TCF4: variants seen among roughly 807,000 people sequenced by gnomAD.
The protein encoded by TCF4 is transcription factor 4, also known as SL3-3 enhancer factor 2.
A neutral mutation model predicts 82.1 loss-of-function variants in TCF4; 3 were observed. That is an observed-to-expected ratio of 0.04 (90% CI 0.02 to 0.09). The LOEUF (loss-of-function observed/expected upper bound fraction) is 0.09. Among genes scored for constraint, TCF4 ranks in the 10% least tolerant of loss-of-function variants. The probability of loss-of-function intolerance (pLI) is 1.00; values close to 1 mark genes in which losing one functional copy is unlikely to be tolerated. For synonymous variants in TCF4, 276 were observed against 309.6 expected, an observed-to-expected ratio of 0.89 and a Z score of 1.14; for missense variants, 518 against 852.7, an observed-to-expected ratio of 0.61 and a Z score of 4.89.
At chr18:55,481,637 C>T (rs1408288265) in intron 3 of TCF4, among the ~76,000 whole-genome samples, 1 of 152,184 alleles carries the variant, frequency 6.6e-6, no homozygotes. Flanking sequence ...TAAATTCAGG[C>T]AGTACTCCTC....
chr18:55,538,024 GCGCA>G (rs1555736240), intron 3 of TCF4, among the ~76,000 whole-genome samples: 1,516 of 125,596 alleles, frequency 0.012, 16 homozygotes, highest in East Asian at 0.018. Context: ...GTCTGCGCGC[GCGCA>G]CACACACACA....
intron 2 of TCF4, among the ~76,000 whole-genome samples, chr18:55,622,669 CAA>C (rs1430341901): frequency 3.3e-5 from 5 of 152,046 alleles, no homozygotes; most frequent in Admixed American, 2.0e-4. Flanking sequence ...GTGATCCGCC[CAA>C]AGTCATAAAG....
chr18:55,273,808 T>C (rs1048139681), intron 10 of TCF4, among the ~76,000 whole-genome samples: 1 of 152,208 alleles, frequency 6.6e-6, no homozygotes, highest in African/African-American at 2.4e-5. Flanking sequence ...AATATTGTTT[T>C]GGTTCTGTAA....
intron 3 of TCF4, among the ~76,000 whole-genome samples, chr18:55,472,989 A>AT (rs2096218459): frequency 6.6e-6 from 1 of 152,228 alleles, no homozygotes; most frequent in African/African-American, 2.4e-5. Context: ...AACTGAATAT[A>AT]TACCTCTGAT....
chr18:55,448,156 T>C (rs960628462), intron 5 of TCF4, among the ~76,000 whole-genome samples: 1 of 152,214 alleles, frequency 6.6e-6, no homozygotes, highest in African/African-American at 2.4e-5. Flanking sequence ...ACTGCTAAAA[T>C]GTCACCTAAT....
chr18:55,495,957 C>A (rs927258958), intron 3 of TCF4: 8 of 152,052 alleles, frequency 5.3e-5, no homozygotes, highest in Non-Finnish European at 8.8e-5. Context: ...GAATCATTTC[C>A]AAGAGTCGTC....
intron 5 of TCF4, among the ~76,000 whole-genome samples, chr18:55,447,753 C>T (rs1394634312): frequency 6.6e-6 from 1 of 152,138 alleles, no homozygotes; most frequent in East Asian, 1.9e-4. Context: ...TTTGCTTTCA[C>T]AAATATATCA....
intron 15 of TCF4, among the ~76,000 whole-genome samples, chr18:55,249,820 T>TA (rs1240800891): frequency 2.0e-5 from 3 of 152,208 alleles, no homozygotes; most frequent in Admixed American, 6.5e-5. Flanking sequence ...CGGGAACACA[T>TA]AGAGTCACAT....
At chr18:55,476,648 TG>T (rs2096295447) in intron 3 of TCF4, among the ~76,000 whole-genome samples, 1 of 151,926 alleles carries the variant, frequency 6.6e-6, no homozygotes, top group African/African-American at 2.4e-5. Flanking sequence ...GTGAATTTTT[TG>T]TAGAGACAGG....
At position 55,480,399 on chromosome 18, in the gene TCF4, G is replaced by A. The variant is rs114268459; in HGVS notation, c.146-16262C>T. Among the ~76,000 whole-genome samples, 996 of 151,504 alleles carry A rather than the reference G, an allele frequency of 6.6e-3. 14 individuals carry two copies. The highest frequency in any genetic ancestry group is 0.023 in the African/African-American group (959 of 41,298). ...ATACAAAATGTACATAAAATAGGAC[G>A]CTTTCTCTCTGAAATATATAATCTA... is the stretch of plus-strand genomic sequence containing the variant. On this transcript the variant is annotated intron_variant, in intron 3 of 19. Transcript: ENST00000354452.
At chr18:55,546,959 A>C (rs1010766179) in intron 3 of TCF4, 1 of 152,264 alleles carries the variant, frequency 6.6e-6, no homozygotes, top group Non-Finnish European at 1.5e-5. Context: ...AGAAACAGGG[A>C]CAGAAAACCA....
At chr18:55,613,273 T>G (rs1307864952) in intron 2 of TCF4, among the ~76,000 whole-genome samples, 1 of 152,146 alleles carries the variant, frequency 6.6e-6, no homozygotes, top group African/African-American at 2.4e-5. Flanking sequence ...CCACTTTCCT[T>G]GCCTCCCATC....
rs1384718952 is a variant in TCF4, at chr18:55,228,989, C to T, written c.1737G>A (p.Leu579=). The T allele has an allele frequency of 6.2e-7, 1 of 1,614,214 alleles. No homozygotes were observed. The highest frequency in any genetic ancestry group is 1.7e-5 in the Admixed American group (1 of 60,030). Residue 579 remains leucine, a synonymous_variant, in exon 18 of 20, where the codon CTG becomes CTA. Coordinates refer to ENST00000354452, the MANE Select transcript of TCF4 (RefSeq NM_001083962.2). ...RRMANNARER[L]RVRDINEAFK... is the part of the protein sequence containing the mutation. ...AAGCCTCGTTGATGTCACGGACCCG[C>T]AGACGCTCTCGGGCATTGTTGGCCA...
Position 55,226,649 on chromosome 18 carries a change from G to A in TCF4, c.*1386C>T, listed in dbSNP as rs1325708052. On this transcript the variant is annotated 3_prime_UTR_variant, in exon 20 of 20. Coordinates refer to ENST00000354452, the MANE Select transcript of TCF4 (RefSeq NM_001083962.2). ...GATTGAATATTGGCATTTTTCAGAC[G>A]AAGGAGGAGGCAGTTAAGTCATCTA... The A allele has an allele frequency of 6.6e-6, 1 of 152,124 alleles. No individual in the cohort carries two copies. The highest frequency in any genetic ancestry group is 1.5e-5 in the Non-Finnish European group (1 of 67,932). 9.4% of individuals were successfully genotyped at this position (152,124 alleles called of 1,614,324 possible).
At chr18:55,529,266 T>C (rs1436502392) in intron 3 of TCF4, among the ~76,000 whole-genome samples, 1 of 152,214 alleles carries the variant, frequency 6.6e-6, no homozygotes, top group Non-Finnish European at 1.5e-5. Flanking sequence ...TTTAGATATT[T>C]CTGATTTTGA....
chr18:55,574,806 C>CTGAA lies in TCF4; in HGVS notation c.145+10470_145+10473dup, dbSNP rs551154556. Among the ~76,000 whole-genome samples the CTGAA allele has an allele frequency of 2.2e-3, 332 of 151,764 alleles. 3 individuals carry two copies. Among genetic ancestry groups the CTGAA allele is most frequent in the African/African-American group, 4.9e-3 (202 of 41,452 alleles). On this transcript the variant is annotated intron_variant, in intron 3 of 19. Transcript: ENST00000354452. ...GCTCTCAAAAAAAAAAAAACTTTCA[C>CTGAA]TGAATGAATGAATGAATGAATGAGT...
upstream of TCF4, chr18:55,588,685 A>G (rs146968049): frequency 3.7e-6 from 5 of 1,333,592 alleles, no homozygotes; most frequent in East Asian, 1.4e-4. Flanking sequence ...AGACTTTGCC[A>G]AGAGGAACAA....
intron 6 of TCF4, among the ~76,000 whole-genome samples, chr18:55,378,232 C>A (rs898712876): frequency 6.6e-6 from 1 of 152,222 alleles, no homozygotes; most frequent in African/African-American, 2.4e-5. Flanking sequence ...ATACTGCCCA[C>A]TCTTGTGCAC....
chr18:55,565,615 A>C (rs1394806505), intron 3 of TCF4, among the ~76,000 whole-genome samples: 1 of 152,208 alleles, frequency 6.6e-6, no homozygotes, highest in African/African-American at 2.4e-5. Flanking sequence ...AAAACAAAGA[A>C]GCTTAAGTGA....
Sources: allele counts gnomAD v4.1 joint callset (sites outside exome capture counted in the v4.1 genomes callset), GRCh38; gene constraint gnomAD v4.1.1; transcripts MANE v1.5; gene names NCBI Gene and HGNC (gene_info 2026-07-23, HGNC 2026-07-21).